The following MEGF11 variants were observed in gnomAD, a reference collection of about 807,000 sequenced individuals.
The protein encoded by MEGF11 is multiple EGF like domains 11, also known as multiple epidermal growth factor-like domains protein 11.
A neutral mutation model predicts 146.6 loss-of-function variants in MEGF11; 126 were observed. That is an observed-to-expected ratio of 0.86 (90% CI 0.74 to 1.00). The LOEUF (loss-of-function observed/expected upper bound fraction) is 1.00, where lower values mean the gene tolerates loss of function less well. MEGF11 is among the 50% of genes least tolerant of loss of function. The pLI is 0.00. For missense variants in MEGF11, 1,509 were observed against 1,521.2 expected (o/e 0.99, Z 0.13); for synonymous variants, 532 against 583.4 (o/e 0.91, Z 1.27).
In MEGF11 at chr15:66,253,631, G is replaced by A. The variant is rs1229764740; in HGVS notation, c.-35C>T. ...TGCTCCCGCGGCCGGCCCAGGGATC[G>A]GCCGGCCAGTCGCGCGGTCCTGTCC... On this transcript the variant is annotated 5_prime_UTR_variant, in exon 1 of 26. Transcript: ENST00000395614. 2 of 151,548 alleles carry A rather than the reference G, an allele frequency of 1.3e-5. No homozygotes were observed. 9.4% of individuals were successfully genotyped at this position (151,548 alleles called of 1,614,324 possible). A position where few individuals can be genotyped will look rare whatever the true frequency, so the allele number is the denominator to read the frequency against.
At chr15:66,088,686 C>T (rs2086209418) in intron 5 of MEGF11, among the ~76,000 whole-genome samples, 1 of 151,724 alleles carries the variant, frequency 6.6e-6, no homozygotes, top group Non-Finnish European at 1.5e-5. Context: ...CCGACACATG[C>T]TATGGCACAG....
At chr15:66,180,944 C>T (rs757090883) in intron 1 of MEGF11, among the ~76,000 whole-genome samples, 1 of 152,190 alleles carries the variant, frequency 6.6e-6, no homozygotes, top group African/African-American at 2.4e-5. Flanking sequence ...TCTCAATTGC[C>T]CTCAGCTGAC....
intron 19 of MEGF11, among the ~76,000 whole-genome samples, chr15:65,914,496 G>A (rs2078925858): frequency 6.6e-6 from 1 of 152,084 alleles, no homozygotes; most frequent in Non-Finnish European, 1.5e-5. Flanking sequence ...CCAAGTGATA[G>A]ACTGGCAAGG....
chr15:65,957,507 T>G, intron 10 of MEGF11, 40 bp downstream of exon 10: 1 of 1,590,952 alleles, frequency 6.3e-7, no homozygotes, highest in Non-Finnish European at 8.6e-7. Flanking sequence ...ACTGGCCCGG[T>G]GGAGGTCAGG....
intron 1 of MEGF11, among the ~76,000 whole-genome samples, chr15:66,193,350 T>C (rs895341202): frequency 2.6e-5 from 4 of 152,240 alleles, no homozygotes; most frequent in Admixed American, 2.0e-4. Context: ...CATTGATTCA[T>C]GCAACAGAAA....
intron 9 of MEGF11, 111 bp downstream of exon 9, chr15:65,964,797 C>T (rs1384085469): frequency 4.7e-6 from 5 of 1,067,350 alleles, no homozygotes; most frequent in Middle Eastern, 6.2e-4. Context: ...GCCCTTTCCC[C>T]CACCTGCCTG....
At chr15:66,124,033 T>C in intron 2 of MEGF11, 33 bp from the exon 3 acceptor site, 1 of 1,548,914 alleles carries the variant, frequency 6.5e-7, no homozygotes, top group African/African-American at 1.4e-5. Context: ...GAGCCATGAT[T>C]AGCACTTGGG....
At chr15:66,101,637 G>A (rs1412091652) in intron 4 of MEGF11, among the ~76,000 whole-genome samples, 17 of 152,194 alleles carry the variant, frequency 1.1e-4, no homozygotes, top group African/African-American at 3.4e-4. Context: ...CCCGGCACAT[G>A]GCAGGTGTTC....
At chr15:65,945,514 C>T (rs2080156940) in intron 10 of MEGF11, among the ~76,000 whole-genome samples, 1 of 152,152 alleles carries the variant, frequency 6.6e-6, no homozygotes, top group Non-Finnish European at 1.5e-5. Context: ...TGCTGAGATG[C>T]CCCAGAGACT....
chr15:65,915,735 C>CTA, intron 18 of MEGF11, 137 bp from the exon 19 acceptor site: 2 of 1,128,262 alleles, frequency 1.8e-6, no homozygotes, highest in Non-Finnish European at 2.5e-6. Flanking sequence ...TGTTGAGGAG[C>CTA]ATTTATAGCA....
chr15:66,214,848 G>A (rs1163439538), intron 1 of MEGF11, among the ~76,000 whole-genome samples: 14 of 152,128 alleles, frequency 9.2e-5, no homozygotes, highest in Admixed American at 9.2e-4. Context: ...GCTCAGAGCT[G>A]GAGAGAAATG....
At chr15:66,223,616 G>A (rs772876398) in intron 1 of MEGF11, among the ~76,000 whole-genome samples, 2 of 152,130 alleles carry the variant, frequency 1.3e-5, no homozygotes, top group African/African-American at 2.4e-5. Context: ...CCAGCTACTC[G>A]GGAGGCTGAG....
intron 5 of MEGF11, among the ~76,000 whole-genome samples, chr15:65,990,684 AGAAAGGAAG>A: frequency 6.8e-6 from 1 of 148,068 alleles, no homozygotes; most frequent in Non-Finnish European, 1.5e-5. Flanking sequence ...GAAGAAAGGA[AGAAAGGAAG>A]AGAAAGAAAG....
chr15:66,043,583 C>T (rs1326625256), intron 5 of MEGF11, among the ~76,000 whole-genome samples: 1 of 152,232 alleles, frequency 6.6e-6, no homozygotes, highest in Non-Finnish European at 1.5e-5. Flanking sequence ...CCCAGATGAC[C>T]ACAACAGAAA....
At chr15:65,992,743 A>G (rs939920260) in intron 5 of MEGF11, among the ~76,000 whole-genome samples, 1 of 151,932 alleles carries the variant, frequency 6.6e-6, no homozygotes, top group Non-Finnish European at 1.5e-5. Context: ...AAGGAACAGT[A>G]AGTGTGAGAG....
intron 5 of MEGF11, among the ~76,000 whole-genome samples, chr15:66,047,482 T>C (rs907929590): frequency 1.1e-4 from 16 of 152,180 alleles, no homozygotes; most frequent in African/African-American, 3.6e-4. Context: ...AAATGAAATA[T>C]GAGCACACAC....
chr15:66,026,122 T>TC (rs1346678502), intron 5 of MEGF11, among the ~76,000 whole-genome samples: 2 of 152,162 alleles, frequency 1.3e-5, no homozygotes, highest in Non-Finnish European at 2.9e-5. Flanking sequence ...TTTCCCCCAC[T>TC]CCCCAAAGCT....
At chr15:66,088,640 G>T (rs1173167634) in intron 5 of MEGF11, among the ~76,000 whole-genome samples, 1 of 134,928 alleles carries the variant, frequency 7.4e-6, no homozygotes, top group Non-Finnish European at 1.6e-5. Flanking sequence ...GGGCGACAGA[G>T]CAAGACTTCA....
At chr15:65,910,016 G>A (rs1376684115) in intron 21 of MEGF11, 1 of 681,520 alleles carries the variant, frequency 1.5e-6, no homozygotes, top group Non-Finnish European at 2.7e-6. Context: ...CCCCACCCCA[G>A]CTGTTGGGCT....
Sources: gnomAD v4.1 joint callset for allele counts (sites outside exome capture counted in the v4.1 genomes callset) on GRCh38, gnomAD v4.1.1 for gene constraint, MANE v1.5 for transcripts, NCBI Gene and HGNC (gene_info 2026-07-23, HGNC 2026-07-21) for gene names.